The following ARRDC5 variants were observed in gnomAD, a reference collection of about 807,000 sequenced individuals.
ARRDC5 encodes the protein arrestin domain-containing protein 5.
ARRDC5 carries 12 observed loss-of-function variants against 13.3 expected under a neutral mutation model. The observed-to-expected ratio is 0.90, with a 90% CI of 0.58 to 1.46. ARRDC5 has a LOEUF of 1.46. Ranked by LOEUF, ARRDC5 falls within the 40% of genes most tolerant of loss-of-function variation. ARRDC5 has a pLI of 0.00. For missense variants in ARRDC5, 406 were observed against 418.7 expected, an observed-to-expected ratio of 0.97 and a Z score of 0.26; for synonymous variants, 181 against 173.4, an observed-to-expected ratio of 1.04 and a Z score of -0.34.
chr19:4,904,272 G>A (rs2032015479), upstream of ARRDC5, among the ~76,000 whole-genome samples: 2 of 152,074 alleles, frequency 1.3e-5, no homozygotes, highest in South Asian at 2.1e-4. Context: ...TCCGCCTCCC[G>A]TGTTCATGCC....
At chr19:4,908,722 T>C in the ARRDC5 span, among the ~76,000 whole-genome samples, 1 of 152,154 alleles carries the variant, frequency 6.6e-6, no homozygotes, top group Non-Finnish European at 1.5e-5. Flanking sequence ...CATCTGAAAT[T>C]ATCTGCTTTA....
upstream of ARRDC5, among the ~76,000 whole-genome samples, chr19:4,907,460 G>T (rs1796990253): frequency 6.6e-6 from 1 of 151,974 alleles, no homozygotes; most frequent in African/African-American, 2.4e-5. Flanking sequence ...GTAGAGATGG[G>T]GTTTCACCAT....
chr19:4,894,510 C>CAAAAAAAAAAAAAAAAAAA (rs575777769), intron 2 of ARRDC5, among the ~76,000 whole-genome samples: 7 of 27,230 alleles, frequency 2.6e-4, no homozygotes, highest in Admixed American at 1.4e-3. Flanking sequence ...GACTCCGTCT[C>CAAAAAAAAAAAAAAAAAAA]AAAAAAAAAA....
chr19:4,913,827 TTTG>T, the ARRDC5 span, among the ~76,000 whole-genome samples: 4,143 of 133,110 alleles, frequency 0.031, 151 homozygotes, highest in African/African-American at 0.11. Context: ...TTTTTTTTTT[TTTG>T]GAGACAGTTT....
At chr19:4,906,716 G>A (rs2032071062), upstream of ARRDC5, among the ~76,000 whole-genome samples, 1 of 152,126 alleles carries the variant, frequency 6.6e-6, no homozygotes, top group African/African-American at 2.4e-5. Flanking sequence ...TCATACCACT[G>A]CACTGCAGGC....
At chr19:4,893,142 T>A (rs912962039) in intron 2 of ARRDC5, among the ~76,000 whole-genome samples, 27 of 141,342 alleles carry the variant, frequency 1.9e-4, no homozygotes, top group Non-Finnish European at 1.1e-4. Flanking sequence ...ATATATATTA[T>A]ATTATTAGAA....
intron 2 of ARRDC5, among the ~76,000 whole-genome samples, chr19:4,893,663 G>A (rs2031592382): frequency 6.7e-6 from 1 of 149,562 alleles, no homozygotes; most frequent in Non-Finnish European, 1.5e-5. Context: ...AGGCCAAGGG[G>A]GGAGGATCAC....
the ARRDC5 span, chr19:4,911,129 C>T: frequency 7.9e-7 from 1 of 1,272,428 alleles, no homozygotes; most frequent in Non-Finnish European, 1.1e-6. Context: ...TCCCACCTCC[C>T]CCCCCAACAA....
chr19:4,904,614 G>T (rs367867570), upstream of ARRDC5, among the ~76,000 whole-genome samples: 11 of 152,194 alleles, frequency 7.2e-5, no homozygotes, highest in African/African-American at 2.7e-4. Context: ...ACCACGCCTG[G>T]CTGACATTTC....
intron 1 of ARRDC5, among the ~76,000 whole-genome samples, chr19:4,897,722 T>C (rs2031782027): frequency 1.3e-5 from 2 of 152,096 alleles, no homozygotes; most frequent in African/African-American, 4.8e-5. Context: ...TTGCTATGTT[T>C]CCCAGGCTGG....
At position 4,891,584 on chromosome 19, in the gene ARRDC5, G is replaced by A. The variant is rs1389926003; in HGVS notation, c.460-11C>T. 1.2e-6 allele frequency: 2 copies of A among 1,602,982 alleles called. No individual in the cohort carries two copies. Among genetic ancestry groups the A allele is most frequent in the South Asian group, 2.2e-5 (2 of 89,252 alleles). ...CACGAACAAGGGGTTCTAGGAGGAT[G>A]TGGGGGAACAGACAACCGTGAGGGA... On this transcript the variant is annotated splice_polypyrimidine_tract_variant and intron_variant, in intron 2 of 2. Coordinates refer to ENST00000650722, the MANE Select transcript of ARRDC5 (RefSeq NM_001080523.3).
At chr19:4,916,046 A>G in the ARRDC5 span, among the ~76,000 whole-genome samples, 1 of 152,034 alleles carries the variant, frequency 6.6e-6, no homozygotes, top group Non-Finnish European at 1.5e-5. Context: ...ATGGTAGCTC[A>G]CACCTGTAAT....
At chr19:4,916,220 C>G in the ARRDC5 span, among the ~76,000 whole-genome samples, 1 of 151,746 alleles carries the variant, frequency 6.6e-6, no homozygotes, top group African/African-American at 2.4e-5. Flanking sequence ...GTGGGAAGAT[C>G]ACTTGAGCCT....
At chr19:4,898,427 T>A (rs1326219587) in intron 1 of ARRDC5, among the ~76,000 whole-genome samples, 1 of 152,048 alleles carries the variant, frequency 6.6e-6, no homozygotes, top group Non-Finnish European at 1.5e-5. Flanking sequence ...AGTGGCGTGA[T>A]CCTGGCTCAC....
intron 2 of ARRDC5, among the ~76,000 whole-genome samples, chr19:4,894,263 G>A (rs1402118675): frequency 2.0e-5 from 3 of 151,466 alleles, no homozygotes; most frequent in Non-Finnish European, 4.4e-5. Context: ...TGTAATCCCA[G>A]CACTTTGGGA....
the ARRDC5 span, chr19:4,911,134 C>CA: frequency 8.0e-7 from 1 of 1,254,362 alleles, no homozygotes; most frequent in South Asian, 1.6e-5. Context: ...CCTCCCCCCC[C>CA]AACAACCTCG....
the ARRDC5 span, chr19:4,910,925 C>T: frequency 6.2e-7 from 1 of 1,613,588 alleles, no homozygotes; most frequent in South Asian, 1.1e-5. Context: ...GAGGCAGACC[C>T]ACACGGTGGA....
chr19:4,907,931 C>G, the ARRDC5 span, among the ~76,000 whole-genome samples: 1 of 150,044 alleles, frequency 6.7e-6, no homozygotes, highest in African/African-American at 2.5e-5. Flanking sequence ...AGGCTGGTCT[C>G]GAACTCCTGA....
At chr19:4,894,115 G>A (rs985944512) in intron 2 of ARRDC5, among the ~76,000 whole-genome samples, 7 of 144,406 alleles carry the variant, frequency 4.8e-5, no homozygotes, top group South Asian at 2.2e-4. Flanking sequence ...GGTGGCTCAC[G>A]CCTGTAATCC....
Sources: allele counts gnomAD v4.1 joint callset (sites outside exome capture counted in the v4.1 genomes callset), GRCh38; gene constraint gnomAD v4.1.1; transcripts MANE v1.5; gene names NCBI Gene and HGNC (gene_info 2026-07-23, HGNC 2026-07-21).